Variants in PRKCA observed in about 807,000 individuals in gnomAD.
PRKCA encodes the protein protein kinase C alpha, also known as protein kinase C alpha type.
In PRKCA, 27 loss-of-function variants were observed where a neutral mutation model predicts 87.0. The ratio of observed to expected loss-of-function variants is 0.31; its 90% confidence interval spans 0.23 to 0.43. The LOEUF (loss-of-function observed/expected upper bound fraction) is 0.43. Among genes scored for constraint, PRKCA ranks in the 20% least tolerant of loss-of-function variants. PRKCA has a pLI of 1.00. For missense variants in PRKCA, 518 were observed against 852.3 expected (o/e 0.61, Z 4.88); for synonymous variants, 329 against 311.1 (o/e 1.06, Z -0.61).
intron 9 of PRKCA, among the ~76,000 whole-genome samples, chr17:66,734,998 G>A (rs777942234): frequency 6.6e-6 from 1 of 152,188 alleles, no homozygotes. Flanking sequence ...CTTGTAGTAA[G>A]CAAATACAAT....
chr17:66,430,674 G>T (rs1011284290), intron 2 of PRKCA, among the ~76,000 whole-genome samples: 1 of 152,068 alleles, frequency 6.6e-6, no homozygotes, highest in South Asian at 2.1e-4. Context: ...CATTCATGGT[G>T]CAGAGAACTT....
At chr17:66,370,534 T>TTTTTC (rs1300303942) in intron 2 of PRKCA, among the ~76,000 whole-genome samples, 19 of 150,808 alleles carry the variant, frequency 1.3e-4, no homozygotes, top group Non-Finnish European at 1.8e-4. Flanking sequence ...GATACTATTT[T>TTTTTC]TTTTCTTTTC....
intron 2 of PRKCA, among the ~76,000 whole-genome samples, chr17:66,387,168 A>G (rs1468245758): frequency 6.6e-6 from 1 of 152,258 alleles, no homozygotes; most frequent in Non-Finnish European, 1.5e-5. Context: ...ACATTCCTAG[A>G]TTAATGTTCC....
chr17:66,738,359 C>G (rs189078908), intron 10 of PRKCA, among the ~76,000 whole-genome samples: 182 of 152,286 alleles, frequency 1.2e-3, no homozygotes, highest in African/African-American at 4.3e-3. Context: ...TGCAAACCAG[C>G]CTTTAAACAT....
chr17:66,317,695 ACT>A (rs1377567514), intron 2 of PRKCA, among the ~76,000 whole-genome samples: 2 of 152,034 alleles, frequency 1.3e-5, no homozygotes, highest in Admixed American at 6.6e-5. Flanking sequence ...TTGGAATAAA[ACT>A]CTCACTGGTT....
At chr17:66,624,826 A>G (rs1567939148) in intron 3 of PRKCA, among the ~76,000 whole-genome samples, 2 of 151,308 alleles carry the variant, frequency 1.3e-5, no homozygotes, top group African/African-American at 4.9e-5. Context: ...AAATAAATAA[A>G]AAGAATTATT....
chr17:66,509,661 C>T (rs746764124), intron 3 of PRKCA, among the ~76,000 whole-genome samples: 10 of 152,170 alleles, frequency 6.6e-5, no homozygotes, highest in Non-Finnish European at 1.3e-4. Context: ...CCCAGAATAA[C>T]GTATGACCAA....
intron 3 of PRKCA, among the ~76,000 whole-genome samples, chr17:66,606,851 C>T (rs1170048782): frequency 6.6e-6 from 1 of 151,940 alleles, no homozygotes; most frequent in Non-Finnish European, 1.5e-5. Flanking sequence ...AATTATGACT[C>T]ATTTATGTGG....
rs1239916452 is a variant in PRKCA at position 66,517,619 on chromosome 17, C to T, written c.288+21336C>T. Among the ~76,000 whole-genome samples, 7 of 152,284 alleles carry T rather than the reference C, an allele frequency of 4.6e-5. No individual in the cohort carries two copies. In the East Asian group the frequency reaches 7.7e-4, roughly 17 times the overall value. On this transcript the variant is annotated intron_variant, in intron 3 of 16. Transcript: ENST00000413366. Reference sequence around the variant, plus strand: ...CAGATTCTGCTTGAGTTAACCTTGACGTTAGACAGAATTTCTGTTCTAACT... The same window carrying T: ...CAGATTCTGCTTGAGTTAACCTTGATGTTAGACAGAATTTCTGTTCTAACT...
intron 14 of PRKCA, chr17:66,775,789 T>C: frequency 1.0e-6 from 1 of 981,680 alleles, no homozygotes; most frequent in Non-Finnish European, 1.2e-6. Flanking sequence ...ACAATGTGCA[T>C]GGCCATAAGG....
intron 3 of PRKCA, among the ~76,000 whole-genome samples, chr17:66,504,091 G>T (rs553140687): frequency 6.6e-6 from 1 of 152,156 alleles, no homozygotes; most frequent in Non-Finnish European, 1.5e-5. Flanking sequence ...GTTTTCTTAC[G>T]TATAAATATG....
At chr17:66,540,821 A>G (rs1410392338) in intron 3 of PRKCA, among the ~76,000 whole-genome samples, 1 of 152,142 alleles carries the variant, frequency 6.6e-6, no homozygotes, top group Non-Finnish European at 1.5e-5. Flanking sequence ...AATTATTAGT[A>G]TCATGGTTTG....
chr17:66,462,099 C>T (rs761783763), intron 2 of PRKCA, among the ~76,000 whole-genome samples: 3 of 152,110 alleles, frequency 2.0e-5, no homozygotes, highest in Admixed American at 1.3e-4. Context: ...TTCTTTTAAA[C>T]GTCGGGTCTG....
chr17:66,526,488 T>G (rs1208468093), intron 3 of PRKCA, among the ~76,000 whole-genome samples: 1 of 152,172 alleles, frequency 6.6e-6, no homozygotes, highest in Non-Finnish European at 1.5e-5. Context: ...CTCTGCGCCG[T>G]ACCTCTTCTC....
At position 66,805,924 on chromosome 17, in the gene PRKCA, C is replaced by T. The variant is rs1425267749; in HGVS notation, c.*1887C>T. ...CAGGAAGCATGCTGTCTTGCTGCCTCTGCAACGACCTGTCGTTTGCTCCAG... is the reference window on the plus strand; with the variant it reads ...CAGGAAGCATGCTGTCTTGCTGCCTTTGCAACGACCTGTCGTTTGCTCCAG... On this transcript the variant is annotated 3_prime_UTR_variant, in exon 17 of 17. Coordinates refer to ENST00000413366, the MANE Select transcript of PRKCA (RefSeq NM_002737.3). 1 of 152,290 alleles carries T rather than the reference C, an allele frequency of 6.6e-6. No homozygotes were observed. Among genetic ancestry groups the T allele is most frequent in the Non-Finnish European group, 1.5e-5 (1 of 68,070 alleles). 9.4% of individuals were successfully genotyped at this position (152,290 alleles called of 1,614,324 possible).
chr17:66,507,669 A>C (rs1169548833), intron 3 of PRKCA, among the ~76,000 whole-genome samples: 1 of 152,168 alleles, frequency 6.6e-6, no homozygotes, highest in East Asian at 1.9e-4. Flanking sequence ...GAGGGTACAG[A>C]GTGGGACTTT....
At chr17:66,582,339 T>C (rs940707833) in intron 3 of PRKCA, among the ~76,000 whole-genome samples, 9 of 152,154 alleles carry the variant, frequency 5.9e-5, no homozygotes, top group African/African-American at 2.2e-4. Flanking sequence ...TGGGATTTGA[T>C]ATAGTGTGGC....
rs1392593549 is a variant in PRKCA at position 66,803,537 on chromosome 17, T to C, written c.1855-336T>C. Among the ~76,000 whole-genome samples the C allele has an allele frequency of 6.6e-6, 1 of 152,168 alleles. No homozygotes were observed. Among genetic ancestry groups the C allele is most frequent in the Admixed American group, 6.5e-5 (1 of 15,274 alleles). On this transcript the variant is annotated intron_variant, in intron 16 of 16. Coordinates refer to ENST00000413366, the MANE Select transcript of PRKCA (RefSeq NM_002737.3). The surrounding 1 kb of genome is among the most constrained non-coding windows in gnomAD (Gnocchi z 4.4). ...AACACGGAGCTGTGACTGACGGCCC[T>C]GCGTGCGTGGCTTCCGTGCTCTCAG...
intron 14 of PRKCA, among the ~76,000 whole-genome samples, chr17:66,776,178 G>A (rs951080341): frequency 6.6e-6 from 1 of 152,214 alleles, no homozygotes; most frequent in Admixed American, 6.5e-5. Context: ...GAGAGGAAGA[G>A]GCTCTGGATC....
Sources: allele counts gnomAD v4.1 joint callset (sites outside exome capture counted in the v4.1 genomes callset), GRCh38; gene constraint gnomAD v4.1.1; non-coding constraint Gnocchi (gnomAD v3.1); transcripts MANE v1.5; gene names NCBI Gene and HGNC (gene_info 2026-07-23, HGNC 2026-07-21).